The following CRTC1 variants were observed in gnomAD, a reference collection of about 807,000 sequenced individuals.
CRTC1 encodes the protein CREB regulated transcription coactivator 1.
CRTC1 carries 18 observed loss-of-function variants against 66.1 expected under a neutral mutation model. The ratio of observed to expected loss-of-function variants is 0.27; its 90% CI spans 0.19 to 0.40. The LOEUF (loss-of-function observed/expected upper bound fraction) is 0.40, where lower values mean the gene tolerates loss of function less well. Among genes scored for constraint, CRTC1 ranks in the 10% least tolerant of loss-of-function variants. The probability of loss-of-function intolerance (pLI) is 1.00; values close to 1 mark genes in which losing one functional copy is unlikely to be tolerated. For synonymous variants in CRTC1, 416 were observed against 398.8 expected (o/e 1.04, Z -0.51); for missense variants, 669 against 887.9 (o/e 0.75, Z 3.13).
At position 18,777,760 on chromosome 19, in the gene CRTC1, G is replaced by A. The variant is rs111887004; in HGVS notation, c.*378G>A. The A allele has an allele frequency of 3.3e-3, 1,122 of 335,410 alleles. 4 individuals carry two copies. Among genetic ancestry groups the A allele is most frequent in the Admixed American group, 5.7e-3 (107 of 18,938 alleles). The allele number at this position is 335,410 out of a possible 1,614,324, so 20.8% of individuals were successfully genotyped here. On this transcript the variant is annotated 3_prime_UTR_variant, in exon 14 of 14. Coordinates refer to ENST00000321949, the MANE Select transcript of CRTC1 (RefSeq NM_015321.3). The surrounding 1 kb of genome is among the most constrained non-coding windows in gnomAD (Gnocchi z 5.5). ...CTCAGGGGAGGGGCGCGCATGGTCCGCCAGGGCTGTGGGCCGTGGCGCATT... is the reference window on the plus strand; with the variant it reads ...CTCAGGGGAGGGGCGCGCATGGTCCACCAGGGCTGTGGGCCGTGGCGCATT...
At chr19:18,762,313 C>T (rs2054632042) in intron 8 of CRTC1, among the ~76,000 whole-genome samples, 1 of 152,244 alleles carries the variant, frequency 6.6e-6, no homozygotes, top group Middle Eastern at 3.2e-3. Flanking sequence ...GCCAGAGCGG[C>T]CCGGTAATGC....
intron 10 of CRTC1, among the ~76,000 whole-genome samples, chr19:18,770,369 G>T (rs1165361458): frequency 6.6e-6 from 1 of 152,270 alleles, no homozygotes; most frequent in African/African-American, 2.4e-5. Context: ...CTGCAGCAGG[G>T]CAGGGATAGT....
chr19:18,738,234 C>T (rs2054040167), intron 1 of CRTC1, among the ~76,000 whole-genome samples: 1 of 152,106 alleles, frequency 6.6e-6, no homozygotes, highest in African/African-American at 2.4e-5. Flanking sequence ...GGAGGATCAC[C>T]TGATCCTGGG....
At chr19:18,765,655 TTA>T (rs2054715599) in intron 9 of CRTC1, 127 bp downstream of exon 9, 1 of 897,470 alleles carries the variant, frequency 1.1e-6, no homozygotes, top group Non-Finnish European at 1.6e-6. Flanking sequence ...CCCAACACTT[TTA>T]GTTTTTATTA....
intron 1 of CRTC1, among the ~76,000 whole-genome samples, chr19:18,728,495 G>A (rs550655789): frequency 2.0e-5 from 3 of 152,104 alleles, no homozygotes; most frequent in Admixed American, 2.0e-4. Flanking sequence ...GAAGTTCTCC[G>A]TGCCTTATCC....
At chr19:18,718,017 C>G (rs1001583316) in intron 1 of CRTC1, among the ~76,000 whole-genome samples, 1 of 152,196 alleles carries the variant, frequency 6.6e-6, no homozygotes, top group African/African-American at 2.4e-5. Flanking sequence ...CACCACATAA[C>G]ATAAGATTCA....
chr19:18,764,022 G>GTCA (rs150444360), intron 8 of CRTC1, among the ~76,000 whole-genome samples: 342 of 152,282 alleles, frequency 2.2e-3, no homozygotes, highest in Non-Finnish European at 4.0e-3. Flanking sequence ...CTGGGGAGCA[G>GTCA]TCAACAGCAC....
At chr19:18,708,634 T>C (rs1217264815) in intron 1 of CRTC1, among the ~76,000 whole-genome samples, 2 of 151,978 alleles carry the variant, frequency 1.3e-5, no homozygotes, top group Non-Finnish European at 2.9e-5. Flanking sequence ...TAGCTGACAG[T>C]AAGGAGTGAC....
At chr19:18,745,987 T>C in intron 3 of CRTC1, 27 bp downstream of exon 3, 2 of 1,591,382 alleles carry the variant, frequency 1.3e-6, no homozygotes, top group Non-Finnish European at 8.6e-7. Flanking sequence ...AGGATGAGGG[T>C]GGGGGCCAGG....
chr19:18,774,765 A>G, intron 11 of CRTC1, 135 bp from the exon 12 acceptor site: 2 of 787,080 alleles, frequency 2.5e-6, no homozygotes, highest in Non-Finnish European at 4.1e-6. Context: ...TGGAACCCCA[A>G]AATAAGCATC....
chr19:18,732,070 A>G (rs896976598), intron 1 of CRTC1, among the ~76,000 whole-genome samples: 1 of 152,218 alleles, frequency 6.6e-6, no homozygotes. Context: ...CAGTTCCTGT[A>G]ATTCCTGGGG....
chr19:18,736,002 T>TGGGGCGGGAGCTGGGCTGGC (rs1002669375), intron 1 of CRTC1, among the ~76,000 whole-genome samples: 2 of 152,014 alleles, frequency 1.3e-5, no homozygotes, highest in African/African-American at 4.8e-5. Flanking sequence ...ACTGCCGTGG[T>TGGGGCGGGAGCTGGGCTGGC]GGGGCGGGAG....
At position 18,777,457 on chromosome 19, in the gene CRTC1, C is replaced by T. The variant is rs765966577; in HGVS notation, c.*75C>T. 3.7e-6 allele frequency: 5 copies of T among 1,350,726 alleles called. No individual in the cohort carries two copies. The highest frequency in any genetic ancestry group is 4.2e-6 in the Non-Finnish European group (4 of 956,222). 83.7% of individuals were successfully genotyped at this position (1,350,726 alleles called of 1,614,324 possible). A position where few individuals can be genotyped will look rare whatever the true frequency, so the allele number is the denominator to read the frequency against. On this transcript the variant is annotated 3_prime_UTR_variant, in exon 14 of 14. Coordinates refer to ENST00000321949, the MANE Select transcript of CRTC1 (RefSeq NM_015321.3). The surrounding 1 kb of genome is among the most constrained non-coding windows in gnomAD (Gnocchi z 5.5). Reference sequence around the variant, plus strand: ...AGCCCGGGGACGGCCGTGCTCCGTCCCTCGCCAACGGCCGAGCTTGTGATT... The same window carrying T: ...AGCCCGGGGACGGCCGTGCTCCGTCTCTCGCCAACGGCCGAGCTTGTGATT...
In CRTC1 at chr19:18,741,052, C is replaced by T. The variant is rs183691833; in HGVS notation, c.127-1858C>T. Among the ~76,000 whole-genome samples the T allele has an allele frequency of 6.6e-6, 1 of 152,190 alleles. No individual in the cohort carries two copies. The highest frequency in any genetic ancestry group is 2.4e-5 in the African/African-American group (1 of 41,536). ...AACAACAAAAAAGAAAAGCAGAGTC[C>T]CCACTCAGTGTCCACTCCTGGCCCA... On this transcript the variant is annotated intron_variant, in intron 1 of 13. Transcript: ENST00000321949. This position sits in a 1 kb window ranked among gnomAD's most constrained non-coding sequence, Gnocchi z 4.2.
At chr19:18,689,434 CTT>C (rs113447997) in intron 1 of CRTC1, among the ~76,000 whole-genome samples, 7 of 49,740 alleles carry the variant, frequency 1.4e-4, no homozygotes, top group Non-Finnish European at 8.3e-5. Context: ...CTTTTTCTTT[CTT>C]TTTTTTTTTT....
At chr19:18,694,135 G>GAAA (rs56040700) in intron 1 of CRTC1, among the ~76,000 whole-genome samples, 19 of 125,304 alleles carry the variant, frequency 1.5e-4, no homozygotes, top group South Asian at 2.7e-4. Flanking sequence ...CTCCGTCTCA[G>GAAA]AAAAAAAAAA....
intron 1 of CRTC1, among the ~76,000 whole-genome samples, chr19:18,723,522 G>A (rs2053675330): frequency 6.6e-6 from 1 of 152,248 alleles, no homozygotes; most frequent in South Asian, 2.1e-4. Context: ...GAGCCACGTG[G>A]TGTCTCCATG....
chr19:18,761,771 A>G (rs1375964796), intron 8 of CRTC1, among the ~76,000 whole-genome samples: 1 of 152,142 alleles, frequency 6.6e-6, no homozygotes, highest in African/African-American at 2.4e-5. Context: ...CAGCAGGGCC[A>G]GGGGCAGGCA....
intron 8 of CRTC1, among the ~76,000 whole-genome samples, chr19:18,761,133 T>TC (rs1345436104): frequency 1.3e-5 from 2 of 151,870 alleles, no homozygotes; most frequent in African/African-American, 4.8e-5. Context: ...CAGGCCTCCC[T>TC]CCCTCCCCTG....
Sources: allele counts gnomAD v4.1 joint callset (sites outside exome capture counted in the v4.1 genomes callset), GRCh38; gene constraint gnomAD v4.1.1; non-coding constraint Gnocchi (gnomAD v3.1); transcripts MANE v1.5; gene names NCBI Gene and HGNC (gene_info 2026-07-23, HGNC 2026-07-21).